The following SOX6 variants were observed in gnomAD, a reference collection of about 807,000 sequenced individuals.
The protein encoded by SOX6 is transcription factor SOX-6.
Under a neutral mutation model 97.8 loss-of-function variants are expected in SOX6, and 11 were observed. The observed-to-expected ratio is 0.11, with a 90% CI of 0.07 to 0.19. The LOEUF is 0.19. SOX6 is among the 10% of genes least tolerant of loss of function. SOX6 has a pLI of 1.00. For synonymous variants in SOX6, 360 were observed against 371.4 expected, an observed-to-expected ratio of 0.97 and a Z score of 0.35; for missense variants, 810 against 1,039.5, an observed-to-expected ratio of 0.78 and a Z score of 3.04.
chr11:16,541,662 C>G (rs1013712037), intron 4 of SOX6, among the ~76,000 whole-genome samples: 54 of 152,128 alleles, frequency 3.5e-4, no homozygotes, highest in African/African-American at 1.3e-3. Context: ...AGGATATGAA[C>G]AGACACTTCT....
chr11:16,624,184 T>TTTTATTTATTTA (rs142553542), intron 3 of SOX6, among the ~76,000 whole-genome samples: 53,654 of 147,092 alleles, frequency 0.36, 10,481 homozygotes, highest in Non-Finnish European at 0.41. Flanking sequence ...TATTTTTTTA[T>TTTTATTTATTTA]TTTATTTATT....
At chr11:16,473,525 T>G (rs1472537492) in intron 1 of SOX6, among the ~76,000 whole-genome samples, 1 of 151,572 alleles carries the variant, frequency 6.6e-6, no homozygotes, top group Admixed American at 6.6e-5. Context: ...TGCTGAAGGT[T>G]GGAGTGGCTG....
At chr11:16,168,125 A>G (rs1228450933) in intron 6 of SOX6, among the ~76,000 whole-genome samples, 4 of 152,172 alleles carry the variant, frequency 2.6e-5, no homozygotes, top group Non-Finnish European at 5.9e-5. Context: ...GAAAGGGACA[A>G]ACTAAAGTGG....
intron 1 of SOX6, among the ~76,000 whole-genome samples, chr11:16,352,529 G>A (rs1253220115): frequency 6.6e-6 from 1 of 152,032 alleles, no homozygotes; most frequent in Non-Finnish European, 1.5e-5. Flanking sequence ...CTTGCTTAAG[G>A]TCATACCTAG....
chr11:16,633,865 C>T (rs1197725791), intron 3 of SOX6, among the ~76,000 whole-genome samples: 2 of 152,318 alleles, frequency 1.3e-5, no homozygotes, highest in Admixed American at 1.3e-4. Context: ...CAGTTTAAAT[C>T]TAACCAAGCT....
In SOX6 at chr11:16,711,917, C is replaced by A. The variant is rs149851505; in HGVS notation, n.429+2913G>T. Among the ~76,000 whole-genome samples, 88 of 152,226 alleles carry A rather than the reference C, an allele frequency of 5.8e-4. 1 individual carries two copies. The highest frequency in any genetic ancestry group is 2.1e-3 in the African/African-American group (87 of 41,530). ...CGAAGTCCATCATATCATTCTTATG[C>A]CTTTGCATCCTCATAATTTAGCTCC... On this transcript the variant is annotated intron_variant and non_coding_transcript_variant, in intron 3 of 5. Transcript: ENST00000524520.
chr11:16,202,478 A>G (rs1178387063), intron 4 of SOX6, among the ~76,000 whole-genome samples: 1 of 152,202 alleles, frequency 6.6e-6, no homozygotes, highest in East Asian at 1.9e-4. Context: ...ATTCCACGAA[A>G]AAAAGTATTT....
intron 6 of SOX6, 95 bp from the exon 7 acceptor site, chr11:16,112,018 C>G (rs955356437): frequency 8.8e-6 from 13 of 1,469,774 alleles, no homozygotes; most frequent in Non-Finnish European, 1.2e-5. Context: ...GGTACCCACA[C>G]AGCCACCCAC....
intron 2 of SOX6, among the ~76,000 whole-genome samples, chr11:16,330,936 C>T (rs1350697391): frequency 6.6e-6 from 1 of 152,086 alleles, no homozygotes; most frequent in Non-Finnish European, 1.5e-5. Flanking sequence ...AAAGGAACCC[C>T]TACCAAACAA....
chr11:16,339,669 T>C (rs1856567762), intron 2 of SOX6, among the ~76,000 whole-genome samples: 1 of 152,076 alleles, frequency 6.6e-6, no homozygotes, highest in Non-Finnish European at 1.5e-5. Context: ...ATAAACTCCA[T>C]GAAGGCATGC....
At chr11:16,297,234 T>C (rs1855121153) in intron 3 of SOX6, among the ~76,000 whole-genome samples, 1 of 152,122 alleles carries the variant, frequency 6.6e-6, no homozygotes, top group Non-Finnish European at 1.5e-5. Flanking sequence ...GATTTACAGT[T>C]TTGTCTTCCT....
chr11:16,065,215 T>G (rs1215391225), intron 9 of SOX6, among the ~76,000 whole-genome samples: 1 of 152,014 alleles, frequency 6.6e-6, no homozygotes, highest in Non-Finnish European at 1.5e-5. Flanking sequence ...CATTTCTATA[T>G]TCTAACAGTG....
intron 3 of SOX6, among the ~76,000 whole-genome samples, chr11:16,643,026 T>C (rs1232583400): frequency 6.6e-6 from 1 of 152,216 alleles, no homozygotes; most frequent in Non-Finnish European, 1.5e-5. Context: ...TGCTCTGTTT[T>C]TTCCCCATCG....
At chr11:16,151,569 T>G (rs575375743) in intron 6 of SOX6, among the ~76,000 whole-genome samples, 4 of 152,282 alleles carry the variant, frequency 2.6e-5, no homozygotes, top group Non-Finnish European at 5.9e-5. Flanking sequence ...TTCCTGTAAA[T>G]TTTACATTTT....
chr11:16,372,780 T>C (rs758295256), intron 1 of SOX6, among the ~76,000 whole-genome samples: 1 of 152,086 alleles, frequency 6.6e-6, no homozygotes, highest in Non-Finnish European at 1.5e-5. Flanking sequence ...GTCAATTTGA[T>C]ATCACCAGCT....
chr11:16,199,365 G>T (rs992140677), intron 4 of SOX6, among the ~76,000 whole-genome samples: 21 of 152,040 alleles, frequency 1.4e-4, no homozygotes, highest in African/African-American at 4.8e-4. Flanking sequence ...TTAGCATTTC[G>T]CATTTTTTCT....
At chr11:16,111,759 G>A (rs1162713075) in intron 7 of SOX6, 44 bp downstream of exon 7, 4 of 1,610,716 alleles carry the variant, frequency 2.5e-6, no homozygotes, top group Non-Finnish European at 3.4e-6. Flanking sequence ...TAAACATGCA[G>A]ATCTGAGCAT....
At chr11:16,406,548 A>C (rs1204306329) in intron 1 of SOX6, among the ~76,000 whole-genome samples, 1 of 152,118 alleles carries the variant, frequency 6.6e-6, no homozygotes, top group Non-Finnish European at 1.5e-5. Context: ...GAAAACAGCA[A>C]GAGTGTGAAC....
chr11:16,688,245 A>G (rs1847984043), intron 3 of SOX6, among the ~76,000 whole-genome samples: 2 of 152,172 alleles, frequency 1.3e-5, no homozygotes, highest in Admixed American at 1.3e-4. Flanking sequence ...AAGTGTTGGG[A>G]TGAGCCATTC....
Sources: gnomAD v4.1 joint callset for allele counts (sites outside exome capture counted in the v4.1 genomes callset) on GRCh38, gnomAD v4.1.1 for gene constraint, MANE v1.5 for transcripts, NCBI Gene and HGNC (gene_info 2026-07-23, HGNC 2026-07-21) for gene names.